Variants in NUDT6 observed in about 807,000 individuals in gnomAD.
NUDT6 encodes the protein FAD diphosphatase NUDT6.
Under a neutral mutation model 36.8 loss-of-function variants are expected in NUDT6, and 24 were observed. The observed-to-expected ratio is 0.65, with a 90% confidence interval of 0.47 to 0.92. The LOEUF is 0.92. Ranked by LOEUF, NUDT6 falls within the 40% of genes least tolerant of loss-of-function variation. NUDT6 has a pLI of 0.00. For synonymous variants in NUDT6, 163 were observed against 157.0 expected, an observed-to-expected ratio of 1.04 and a Z score of -0.29; for missense variants, 388 against 392.8, an observed-to-expected ratio of 0.99 and a Z score of 0.10.
rs182217701 is a variant in NUDT6 at position 122,918,084 on chromosome 4, A to G, written c.239-380T>C. On this transcript the variant is annotated intron_variant, in intron 1 of 4. Coordinates refer to ENST00000304430, the MANE Select transcript of NUDT6 (RefSeq NM_007083.5). ...ATCCTTAGGTTTAATCTTAAAGACA[A>G]TTATGGACTTCTATTTTTTTCTTCC... is the stretch of plus-strand genomic sequence containing the variant. 1.7e-3 allele frequency: 302 copies of G among 173,094 alleles called. 1 individual carries two copies. The highest frequency in any genetic ancestry group is 5.2e-3 in the African/African-American group (220 of 42,076). 10.7% of individuals were successfully genotyped at this position (173,094 alleles called of 1,614,324 possible).
intron 2 of NUDT6, among the ~76,000 whole-genome samples, chr4:122,915,469 C>CAAA (rs61032259): frequency 1.7e-4 from 7 of 42,250 alleles, no homozygotes; most frequent in African/African-American, 4.0e-4. Flanking sequence ...GACCCTGCCT[C>CAAA]AAAAAAAAAA....
intron 2 of NUDT6, among the ~76,000 whole-genome samples, chr4:122,916,376 A>G (rs558128337): frequency 9.2e-5 from 14 of 152,368 alleles, no homozygotes; most frequent in African/African-American, 3.1e-4. Flanking sequence ...ACGATTTTAA[A>G]CAACTGTTTG....
chr4:122,905,688 G>T (rs1230729465), intron 3 of NUDT6, among the ~76,000 whole-genome samples: 2 of 152,188 alleles, frequency 1.3e-5, no homozygotes, highest in Admixed American at 1.3e-4. Flanking sequence ...GGTATTCTCT[G>T]ATAAGTCACT....
chr4:122,918,251 G>A (rs558688879), intron 1 of NUDT6: 5 of 152,550 alleles, frequency 3.3e-5, no homozygotes, highest in African/African-American at 9.6e-5. Context: ...TAGCATATAG[G>A]AATAAAATTC....
At chr4:122,908,317 C>A (rs761514168) in intron 3 of NUDT6, among the ~76,000 whole-genome samples, 1 of 152,206 alleles carries the variant, frequency 6.6e-6, no homozygotes. Context: ...CACAACCCTG[C>A]AGGTCACTCT....
chr4:122,906,365 T>C (rs1445695750), intron 3 of NUDT6, among the ~76,000 whole-genome samples: 3 of 152,176 alleles, frequency 2.0e-5, no homozygotes, highest in Non-Finnish European at 4.4e-5. Context: ...ATAATTATTA[T>C]TACGTACTTT....
At chr4:122,899,146 T>C (rs1013749579) in intron 3 of NUDT6, among the ~76,000 whole-genome samples, 9 of 150,504 alleles carry the variant, frequency 6.0e-5, no homozygotes, top group African/African-American at 1.9e-4. Context: ...CCCAAAGTGC[T>C]GGGGTTACAG....
intron 3 of NUDT6, among the ~76,000 whole-genome samples, chr4:122,910,957 A>G (rs1379628484): frequency 6.6e-6 from 1 of 152,244 alleles, no homozygotes; most frequent in African/African-American, 2.4e-5. Flanking sequence ...AAAGGGATAT[A>G]CTTAGAAGAC....
intron 4 of NUDT6, chr4:122,897,143 T>A (rs1476216): frequency 0.09 from 13,688 of 152,810 alleles, 1,371 homozygotes; most frequent in African/African-American, 0.24. Flanking sequence ...AAATAGTAGA[T>A]ACAATTTTCA....
intron 3 of NUDT6, among the ~76,000 whole-genome samples, chr4:122,901,111 T>C (rs1727513864): frequency 6.6e-6 from 1 of 152,182 alleles, no homozygotes; most frequent in Non-Finnish European, 1.5e-5. Context: ...GAAACAAGTA[T>C]TCTAAAATGC....
At chr4:122,906,946 C>A (rs1325280740) in intron 3 of NUDT6, among the ~76,000 whole-genome samples, 1 of 152,118 alleles carries the variant, frequency 6.6e-6, no homozygotes, top group East Asian at 1.9e-4. Context: ...ATGGTAATAT[C>A]AGGAAGTTAC....
rs201814451 is a variant in NUDT6, at chr4:122,922,409, C to T, written c.164G>A (p.Gly55Asp). ...DLQGELDRFG[G>D]ISVRLARLDA... ...GAGCCGCGCCAGGCGCACCGAGATG[C>T]CCCCGAATCTGTCCAGCTCGCCCTG... Residue 55 changes from glycine to aspartate, a missense_variant, in exon 1 of 5, where the codon GGC (glycine) becomes GAC (aspartate). By Grantham distance (94) the Gly-to-Asp change is moderately conservative. Transcript: ENST00000304430. 188 of 1,610,872 alleles carry T rather than the reference C, an allele frequency of 1.2e-4. No individual in the cohort carries two copies. In the African/African-American group the frequency reaches 2.3e-3, roughly 19 times the overall value.
chr4:122,909,390 A>C (rs1158321962), intron 3 of NUDT6, among the ~76,000 whole-genome samples: 2 of 152,212 alleles, frequency 1.3e-5, no homozygotes, highest in Non-Finnish European at 2.9e-5. Context: ...TTAAATGAGA[A>C]ACATTTCATG....
At position 122,897,651 on chromosome 4, in the gene NUDT6, C is replaced by G. The variant is rs1727403759; in HGVS notation, c.526G>C (p.Gly176Arg). Residue 176 changes from glycine to arginine, a missense_variant, in exon 4 of 5, where the codon GGC becomes CGC. Transcript: ENST00000304430. ...ATATCTTCTTCAGGCTCTGACAGGC[C>G]TCCTGGAAACTTCCACATATTTTTC... ...KLKNMWKFPG[G>R]LSEPEEDIGD... The G allele has an allele frequency of 6.2e-7, 1 of 1,610,114 alleles. No individual in the cohort carries two copies. Among genetic ancestry groups the G allele is most frequent in the South Asian group, 1.1e-5 (1 of 91,002 alleles).
In NUDT6 at chr4:122,899,118, A is replaced by G. The variant is rs78827828; in HGVS notation, c.499-1440T>C. ...GTCTTGAACTCCTGAGGTTCAGGCTATCCTCCCACCTGGGCTTCCCAAAGT... is the reference window on the plus strand; with the variant it reads ...GTCTTGAACTCCTGAGGTTCAGGCTGTCCTCCCACCTGGGCTTCCCAAAGT... On this transcript the variant is annotated intron_variant, in intron 3 of 4. Transcript: ENST00000304430. Among the ~76,000 whole-genome samples, 800 of 144,492 alleles carry G rather than the reference A, an allele frequency of 5.5e-3. 8 individuals carry two copies. Among genetic ancestry groups the G allele is most frequent in the African/African-American group, 0.018 (696 of 39,014 alleles). The allele number at this position is 144,492 out of a possible 152,430, so 94.8% of individuals were successfully genotyped here. A position where few individuals can be genotyped will look rare whatever the true frequency, so the allele number is the denominator to read the frequency against.
intron 2 of NUDT6, among the ~76,000 whole-genome samples, chr4:122,915,355 A>C (rs553737485): frequency 6.6e-6 from 1 of 151,978 alleles, no homozygotes; most frequent in South Asian, 2.1e-4. Context: ...CTGTAGTCCC[A>C]GCTACTTGGG....
intron 1 of NUDT6, chr4:122,921,934 C>T (rs1386914730): frequency 5.5e-6 from 1 of 181,770 alleles, no homozygotes; most frequent in Admixed American, 6.2e-5. Context: ...CAAACATCTA[C>T]TGAGCTTTAA....
At position 122,922,481 on chromosome 4, in the gene NUDT6, C is replaced by A; in HGVS notation, c.92G>T (p.Gly31Val). The A allele has an allele frequency of 6.2e-7, 1 of 1,611,550 alleles. No homozygotes were observed. Reference protein sequence around the residue: ...GPSAGYRWASGAQGYVRNPPV... With the variant: ...GPSAGYRWASVAQGYVRNPPV... ...CGGATTCCGCACGTAACCCTGTGCG[C>A]CCGAGGCCCAGCGGTAACCCGCCGA... The change falls in exon 1 of 5, where the codon GGC becomes GTC. Residue 31 changes from glycine (G) to valine (V), a missense_variant. Coordinates refer to ENST00000304430, the MANE Select transcript of NUDT6 (RefSeq NM_007083.5).
At chr4:122,910,075 AT>A (rs34119379) in intron 3 of NUDT6, among the ~76,000 whole-genome samples, 103,275 of 152,058 alleles carry the variant, frequency 0.68, 37,115 homozygotes, top group East Asian at 0.95. Context: ...TGCAACCATG[AT>A]TTAACAGAGA....
Sources: gnomAD v4.1 joint callset for allele counts (sites outside exome capture counted in the v4.1 genomes callset) on GRCh38, gnomAD v4.1.1 for gene constraint, MANE v1.5 for transcripts, NCBI Gene and HGNC (gene_info 2026-07-23, HGNC 2026-07-21) for gene names.